Variants in SLIT3 observed in about 807,000 individuals in gnomAD.
SLIT3 encodes the protein slit guidance ligand 3, also known as slit homolog 3 protein.
SLIT3 carries 68 observed loss-of-function variants against 184.0 expected under a neutral mutation model. The observed-to-expected ratio is 0.37, with a 90% CI of 0.30 to 0.45. SLIT3 has a LOEUF of 0.45. SLIT3 is among the 20% of genes least tolerant of loss of function. The pLI is 1.00. For synonymous variants in SLIT3, 831 were observed against 828.6 expected (o/e 1.00, Z -0.05); for missense variants, 1,707 against 2,026.0 (o/e 0.84, Z 3.02).
chr5:168,761,010 G>T, intron 15 of SLIT3, 74 bp from the exon 16 acceptor site: 1 of 1,114,762 alleles, frequency 9.0e-7, no homozygotes, highest in Non-Finnish European at 1.4e-6. Context: ...TGGCTTTGCT[G>T]CATTGCTGCC....
At chr5:169,044,525 C>T (rs974108592) in intron 4 of SLIT3, among the ~76,000 whole-genome samples, 1 of 136,466 alleles carries the variant, frequency 7.3e-6, no homozygotes, top group African/African-American at 2.8e-5. Context: ...ATGAAATACC[C>T]AGAATAGGCA....
chr5:168,898,488 A>G (rs1201710072), intron 4 of SLIT3, among the ~76,000 whole-genome samples: 1 of 152,080 alleles, frequency 6.6e-6, no homozygotes, highest in African/African-American at 2.4e-5. Context: ...CTGGCTTAGC[A>G]TATCAATTAA....
intron 2 of SLIT3, among the ~76,000 whole-genome samples, chr5:169,248,719 A>G (rs545451807): frequency 6.6e-6 from 1 of 152,094 alleles, no homozygotes; most frequent in Non-Finnish European, 1.5e-5. Context: ...TATTAACCCC[A>G]TTTGGGATAA....
At chr5:168,848,693 C>T (rs879746092) in intron 5 of SLIT3, among the ~76,000 whole-genome samples, 7 of 152,044 alleles carry the variant, frequency 4.6e-5, no homozygotes, top group Admixed American at 2.6e-4. Flanking sequence ...GCAGACTCCC[C>T]GAGAGCAGCT....
At chr5:168,966,320 A>G (rs1183071753) in intron 4 of SLIT3, among the ~76,000 whole-genome samples, 2 of 151,624 alleles carry the variant, frequency 1.3e-5, no homozygotes, top group Admixed American at 1.3e-4. Context: ...GAAGAGTCTG[A>G]GAGGTTCGCT....
chr5:168,762,071 C>T (rs1252306519), intron 15 of SLIT3, among the ~76,000 whole-genome samples: 4 of 151,644 alleles, frequency 2.6e-5, no homozygotes, highest in Non-Finnish European at 5.9e-5. Flanking sequence ...AACCATGGCC[C>T]AGCTATAATT....
At chr5:169,257,751 C>T (rs1766024380) in intron 1 of SLIT3, among the ~76,000 whole-genome samples, 1 of 151,794 alleles carries the variant, frequency 6.6e-6, no homozygotes, top group South Asian at 2.1e-4. Context: ...GATGGGGTTT[C>T]ACCATGTTGG....
At chr5:168,806,655 A>C (rs1756974160) in intron 8 of SLIT3, 68 bp from the exon 9 acceptor site, 1 of 1,583,988 alleles carries the variant, frequency 6.3e-7, no homozygotes, top group Admixed American at 1.7e-5. Flanking sequence ...CTGTGTCCTT[A>C]ACCAGCATCC....
chr5:168,926,298 C>T lies in SLIT3; in HGVS notation c.414-42962G>A, dbSNP rs112225126. Among the ~76,000 whole-genome samples the T allele has an allele frequency of 6.4e-3, 973 of 152,088 alleles. 13 individuals are homozygous for T. Among genetic ancestry groups the T allele is most frequent in the African/African-American group, 0.022 (919 of 41,482 alleles). Reference sequence around the variant, plus strand: ...TATGGTTCCCAGAGCAGGACGGATGCGTCTGTCTATCCAACTGTGGGGAAA... The same window carrying T: ...TATGGTTCCCAGAGCAGGACGGATGTGTCTGTCTATCCAACTGTGGGGAAA... On this transcript the variant is annotated intron_variant, in intron 4 of 35. Coordinates refer to ENST00000519560, the MANE Select transcript of SLIT3 (RefSeq NM_003062.4).
At chr5:169,263,789 C>A (rs916629429) in intron 1 of SLIT3, 8 of 443,814 alleles carry the variant, frequency 1.8e-5, no homozygotes, top group Non-Finnish European at 3.1e-5. Context: ...CCTCTCTCTG[C>A]ACAACTCATT....
intron 16 of SLIT3, among the ~76,000 whole-genome samples, chr5:168,755,277 A>G (rs11953365): frequency 0.14 from 21,503 of 151,696 alleles, 2,855 homozygotes; most frequent in African/African-American, 0.36. Context: ...CTCTTCTTTC[A>G]TAAGTGAGTA....
intron 4 of SLIT3, among the ~76,000 whole-genome samples, chr5:169,060,417 A>G (rs1758139405): frequency 6.6e-6 from 1 of 151,364 alleles, no homozygotes; most frequent in Admixed American, 6.6e-5. Flanking sequence ...CAAACAAACA[A>G]AAAACACTGA....
At chr5:169,021,593 G>A (rs1001817711) in intron 4 of SLIT3, among the ~76,000 whole-genome samples, 3 of 151,974 alleles carry the variant, frequency 2.0e-5, no homozygotes, top group African/African-American at 4.8e-5. Flanking sequence ...TCTGGTGATC[G>A]ACCTGCCTCG....
At chr5:168,739,052 A>C (rs1402597060) in intron 20 of SLIT3, among the ~76,000 whole-genome samples, 2 of 152,148 alleles carry the variant, frequency 1.3e-5, no homozygotes, top group Non-Finnish European at 2.9e-5. Flanking sequence ...GAGCTTAACA[A>C]CTTTCCCTCA....
chr5:168,813,110 A>G (rs992735658), intron 8 of SLIT3, among the ~76,000 whole-genome samples: 3 of 152,222 alleles, frequency 2.0e-5, no homozygotes, highest in Non-Finnish European at 2.9e-5. Context: ...GGCCAAGGGC[A>G]GGTAAGTGTG....
At chr5:169,235,861 T>A (rs1765178860) in intron 3 of SLIT3, among the ~76,000 whole-genome samples, 1 of 152,246 alleles carries the variant, frequency 6.6e-6, no homozygotes, top group South Asian at 2.1e-4. Context: ...AAGTACATAC[T>A]ATCAAATGAT....
intron 4 of SLIT3, among the ~76,000 whole-genome samples, chr5:169,192,745 C>T (rs1763597997): frequency 1.3e-5 from 2 of 152,130 alleles, no homozygotes; most frequent in Admixed American, 6.5e-5. Flanking sequence ...ATTCAGTACA[C>T]CCCATGAACT....
chr5:168,795,167 A>T (rs1581090627), intron 10 of SLIT3, among the ~76,000 whole-genome samples: 1 of 151,496 alleles, frequency 6.6e-6, no homozygotes, highest in East Asian at 1.9e-4. Flanking sequence ...CTCTGCTGAA[A>T]CTCCTATTTT....
At chr5:169,137,010 C>T (rs536971805) in intron 4 of SLIT3, among the ~76,000 whole-genome samples, 10 of 152,254 alleles carry the variant, frequency 6.6e-5, no homozygotes, top group African/African-American at 2.4e-4. Flanking sequence ...GAGTGAGCCA[C>T]CACACCTGGC....
Sources: gnomAD v4.1 joint callset for allele counts (sites outside exome capture counted in the v4.1 genomes callset) on GRCh38, gnomAD v4.1.1 for gene constraint, MANE v1.5 for transcripts, NCBI Gene and HGNC (gene_info 2026-07-23, HGNC 2026-07-21) for gene names.